The following VOPP1 variants were observed in gnomAD, a reference collection of about 807,000 sequenced individuals.
VOPP1 encodes the protein VOPP1 WW domain binding protein.
Under a neutral mutation model 23.5 loss-of-function variants are expected in VOPP1, and 8 were observed. The observed-to-expected ratio is 0.34, with a 90% CI of 0.20 to 0.61. The LOEUF (loss-of-function observed/expected upper bound fraction) is 0.61. Among genes scored for constraint, VOPP1 ranks in the 20% least tolerant of loss-of-function variants. The probability of loss-of-function intolerance (pLI) is 0.78; values close to 1 mark genes in which losing one functional copy is unlikely to be tolerated. For missense variants in VOPP1, 174 were observed against 238.1 expected, an observed-to-expected ratio of 0.73 and a Z score of 1.77; for synonymous variants, 83 against 97.3, an observed-to-expected ratio of 0.85 and a Z score of 0.86.
At position 55,470,776 on chromosome 7, in the gene VOPP1, G is replaced by A. The variant is rs1791765904; in HGVS notation, c.*2079C>T. 1 of 152,326 alleles carries A rather than the reference G, an allele frequency of 6.6e-6. No individual in the cohort carries two copies. The highest frequency in any genetic ancestry group is 2.1e-4 in the South Asian group (1 of 4,832). The allele number at this position is 152,326 out of a possible 1,614,324, so 9.4% of individuals were successfully genotyped here. On this transcript the variant is annotated 3_prime_UTR_variant, in exon 5 of 5. Coordinates refer to ENST00000285279, the MANE Select transcript of VOPP1 (RefSeq NM_030796.5). ...CCGGGAATTCTACACACCAGGAGCTGTCTCACTCCAGGAAGTGGGCACAAC... is the reference window on the plus strand; with the variant it reads ...CCGGGAATTCTACACACCAGGAGCTATCTCACTCCAGGAAGTGGGCACAAC...
chr7:55,516,751 G>C (rs1229333474), intron 2 of VOPP1, among the ~76,000 whole-genome samples: 3 of 151,796 alleles, frequency 2.0e-5, no homozygotes, highest in Non-Finnish European at 4.4e-5. Context: ...TTTTCTGCAG[G>C]GGAAGGAAAG....
At chr7:55,461,780 G>A (rs1186737546) in intron 4 of VOPP1, among the ~76,000 whole-genome samples, 2 of 152,196 alleles carry the variant, frequency 1.3e-5, no homozygotes, top group Non-Finnish European at 2.9e-5. Context: ...TTACTGATAG[G>A]TGAGGACTTA....
At chr7:55,497,838 AC>A (rs1163243814) in intron 2 of VOPP1, 148 bp from the exon 3 acceptor site, 1 of 692,168 alleles carries the variant, frequency 1.4e-6, no homozygotes, top group Non-Finnish European at 2.6e-6. Flanking sequence ...ACTGCATTTC[AC>A]AGAACCAGCA....
In VOPP1 at chr7:55,510,570, C is replaced by CTTT. The variant is rs34545604; in HGVS notation, c.113+10499_113+10501dup. 3.5e-3 allele frequency among the ~76,000 whole-genome samples: 417 copies of CTTT among 119,784 alleles called. 2 individuals are homozygous for CTTT. Among genetic ancestry groups the CTTT allele is most frequent in the Middle Eastern group, 0.026 (6 of 228 alleles). 78.6% of individuals were successfully genotyped at this position (119,784 alleles called of 152,430 possible). A position where few individuals can be genotyped will look rare whatever the true frequency, so the allele number is the denominator to read the frequency against. ...CCCAGACTTTATATAAGGGCACTGG[C>CTTT]TTTTTTTTTTTTTTTTTTTTAGCTT... On this transcript the variant is annotated intron_variant, in intron 2 of 4. Coordinates refer to ENST00000285279, the MANE Select transcript of VOPP1 (RefSeq NM_030796.5).
At chr7:55,525,088 C>T (rs1796091417) in intron 1 of VOPP1, among the ~76,000 whole-genome samples, 4 of 152,122 alleles carry the variant, frequency 2.6e-5, no homozygotes, top group Non-Finnish European at 4.4e-5. Context: ...AAGGGGAACC[C>T]ACAGGGAAAG....
chr7:55,567,199 T>A (rs1798190248), intron 1 of VOPP1, among the ~76,000 whole-genome samples: 1 of 152,200 alleles, frequency 6.6e-6, no homozygotes, highest in Admixed American at 6.5e-5. Flanking sequence ...CAAGTCTCCA[T>A]CGAGTCCCTG....
At chr7:55,475,409 C>T (rs767180724) in intron 4 of VOPP1, among the ~76,000 whole-genome samples, 20 of 152,112 alleles carry the variant, frequency 1.3e-4, no homozygotes, top group Non-Finnish European at 2.9e-4. Flanking sequence ...CCTCCACTGC[C>T]GGGCGAAGCA....
chr7:55,552,581 C>T (rs1377040575), intron 1 of VOPP1: 12 of 1,535,350 alleles, frequency 7.8e-6, no homozygotes, highest in South Asian at 1.2e-5. Flanking sequence ...TAGGAAAACG[C>T]TAAGTGATTG....
At chr7:55,447,976 A>G (rs1197636756) in intron 4 of VOPP1, among the ~76,000 whole-genome samples, 1 of 152,214 alleles carries the variant, frequency 6.6e-6, no homozygotes, top group African/African-American at 2.4e-5. Context: ...GTCATTCATT[A>G]AAAAACCATT....
At chr7:55,548,257 C>A (rs1797450610) in intron 1 of VOPP1, among the ~76,000 whole-genome samples, 1 of 152,218 alleles carries the variant, frequency 6.6e-6, no homozygotes, top group African/African-American at 2.4e-5. Context: ...GCCTTTAACC[C>A]CCAACCCCTA....
chr7:55,569,149 G>A (rs1238793087), intron 1 of VOPP1, among the ~76,000 whole-genome samples: 1 of 152,224 alleles, frequency 6.6e-6, no homozygotes, highest in African/African-American at 2.4e-5. Flanking sequence ...AGAAAGGTCA[G>A]TCCAGTAATG....
intron 1 of VOPP1, among the ~76,000 whole-genome samples, chr7:55,564,868 A>G (rs1798114236): frequency 6.6e-6 from 1 of 151,868 alleles, no homozygotes; most frequent in South Asian, 2.1e-4. Flanking sequence ...TTACTCAAAG[A>G]CTCCCAGGCA....
intron 2 of VOPP1, among the ~76,000 whole-genome samples, chr7:55,509,163 T>C (rs1488235665): frequency 6.6e-6 from 1 of 152,238 alleles, no homozygotes; most frequent in Non-Finnish European, 1.5e-5. Context: ...GATGAGATTC[T>C]AGTACCTAAA....
chr7:55,542,645 C>T (rs1184278701), intron 1 of VOPP1, among the ~76,000 whole-genome samples: 3 of 152,108 alleles, frequency 2.0e-5, no homozygotes, highest in Non-Finnish European at 2.9e-5. Flanking sequence ...CAAAGTTAGC[C>T]GGTCGTGGTG....
intron 4 of VOPP1, among the ~76,000 whole-genome samples, chr7:55,482,667 G>A (rs1387072280): frequency 6.6e-6 from 1 of 151,830 alleles, no homozygotes; most frequent in Non-Finnish European, 1.5e-5. Context: ...AAAAACATGT[G>A]GGTATTAGGC....
chr7:55,456,542 T>A (rs185028176), intron 4 of VOPP1, among the ~76,000 whole-genome samples: 19 of 152,136 alleles, frequency 1.2e-4, no homozygotes, highest in Non-Finnish European at 2.4e-4. Flanking sequence ...AGACTTGGAA[T>A]CAACCCAAAT....
intron 1 of VOPP1, among the ~76,000 whole-genome samples, chr7:55,524,667 C>T (rs571992711): frequency 6.6e-6 from 1 of 152,196 alleles, no homozygotes; most frequent in Non-Finnish European, 1.5e-5. Flanking sequence ...GTTGTTGAGG[C>T]TTTCCTTCAA....
intron 4 of VOPP1, among the ~76,000 whole-genome samples, chr7:55,447,770 C>T (rs1221884097): frequency 1.3e-5 from 2 of 152,260 alleles, no homozygotes; most frequent in Non-Finnish European, 2.9e-5. Flanking sequence ...ATCCTCTCTT[C>T]TCTGTGACAG....
intron 4 of VOPP1, among the ~76,000 whole-genome samples, chr7:55,488,386 G>A (rs191624544): frequency 1.3e-5 from 2 of 152,214 alleles, no homozygotes; most frequent in Admixed American, 6.5e-5. Flanking sequence ...GCCAGGCCCT[G>A]AGCCCTTCGG....
Sources: allele counts gnomAD v4.1 joint callset (sites outside exome capture counted in the v4.1 genomes callset), GRCh38; gene constraint gnomAD v4.1.1; transcripts MANE v1.5; gene names NCBI Gene and HGNC (gene_info 2026-07-23, HGNC 2026-07-21).